Variants in MLLT3 observed in about 807,000 individuals in gnomAD.
The protein encoded by MLLT3 is protein AF-9.
Under a neutral mutation model 53.2 loss-of-function variants are expected in MLLT3, and 4 were observed. The observed-to-expected ratio is 0.08, with a 90% CI of 0.04 to 0.17. MLLT3 has a LOEUF of 0.17. Among genes scored for constraint, MLLT3 ranks in the 10% least tolerant of loss-of-function variants. The probability of loss-of-function intolerance (pLI) is 1.00; values close to 1 mark genes in which losing one functional copy is unlikely to be tolerated. For missense variants in MLLT3, 569 were observed against 684.0 expected (o/e 0.83, Z 1.87); for synonymous variants, 283 against 230.6 (o/e 1.23, Z -2.06).
rs147468714 is a variant in MLLT3, at chr9:20,454,315, A to G, written c.276+2389T>C. ...AGGGAGTGATACTTGCTGCCTCTTC[A>G]TCCTTTACTTGTTTTCTTCTTAAAT... On this transcript the variant is annotated intron_variant, in intron 3 of 10. Transcript: ENST00000380338. Among the ~76,000 whole-genome samples, 10 of 152,162 alleles carry G rather than the reference A, an allele frequency of 6.6e-5. No individual in the cohort carries two copies. The East Asian group carries it at 1.9e-3, about 29-fold the overall frequency.
In MLLT3 at chr9:20,555,370, G is replaced by A. The variant is rs140865097; in HGVS notation, c.193+65284C>T. On this transcript the variant is annotated intron_variant, in intron 2 of 10. Coordinates refer to ENST00000380338, the MANE Select transcript of MLLT3 (RefSeq NM_004529.4). The stretch of plus-strand genomic sequence containing the variant: ...AGCGTCTCACCATGTTGCCCAGGGT[G>A]GTCTTGAACTCCTGGGTTCAAACAG... Among the ~76,000 whole-genome samples, 213 of 152,150 alleles carry A rather than the reference G, an allele frequency of 1.4e-3. 1 individual carries two copies. Among genetic ancestry groups the A allele is most frequent in the Admixed American group, 0.014 (207 of 15,288 alleles).
At chr9:20,585,173 G>A (rs140997831) in intron 2 of MLLT3, among the ~76,000 whole-genome samples, 4 of 152,232 alleles carry the variant, frequency 2.6e-5, no homozygotes, top group African/African-American at 7.2e-5. Context: ...TTCTGTTTCC[G>A]GTGAGGACTC....
intron 3 of MLLT3, among the ~76,000 whole-genome samples, chr9:20,450,599 C>T (rs1050083969): frequency 6.6e-6 from 1 of 152,170 alleles, no homozygotes; most frequent in African/African-American, 2.4e-5. Flanking sequence ...CTCCCCACAC[C>T]TGAAATGTCC....
intron 2 of MLLT3, among the ~76,000 whole-genome samples, chr9:20,613,224 C>G (rs1356657694): frequency 6.6e-6 from 1 of 152,156 alleles, no homozygotes; most frequent in East Asian, 1.9e-4. Context: ...GCAATGGTTA[C>G]ACAACCTTAT....
At chr9:20,396,442 A>G (rs1423020697) in intron 5 of MLLT3, among the ~76,000 whole-genome samples, 1 of 152,146 alleles carries the variant, frequency 6.6e-6, no homozygotes, top group Non-Finnish European at 1.5e-5. Context: ...AAAGTTGTTA[A>G]TAAGTATTTT....
chr9:20,584,220 C>T (rs2131177761), intron 2 of MLLT3, among the ~76,000 whole-genome samples: 1 of 152,290 alleles, frequency 6.6e-6, no homozygotes, highest in Non-Finnish European at 1.5e-5. Context: ...ACAAGTTCCT[C>T]ATCTCCATCT....
intron 2 of MLLT3, among the ~76,000 whole-genome samples, chr9:20,459,266 A>C (rs887265230): frequency 6.6e-6 from 1 of 152,248 alleles, no homozygotes; most frequent in African/African-American, 2.4e-5. Flanking sequence ...CAAGAATGAG[A>C]CATCTCACAT....
chr9:20,453,746 C>T (rs945937446), intron 3 of MLLT3, among the ~76,000 whole-genome samples: 4 of 152,136 alleles, frequency 2.6e-5, no homozygotes, highest in Non-Finnish European at 5.9e-5. Context: ...TAACCATGCA[C>T]ATATATTTCT....
chr9:20,492,758 T>C (rs1563785104), intron 2 of MLLT3, among the ~76,000 whole-genome samples: 1 of 151,968 alleles, frequency 6.6e-6, no homozygotes, highest in Non-Finnish European at 1.5e-5. Flanking sequence ...ATCTCTAACT[T>C]AAATATCCAT....
At chr9:20,523,954 G>C (rs912213305) in intron 2 of MLLT3, among the ~76,000 whole-genome samples, 1 of 150,062 alleles carries the variant, frequency 6.7e-6, no homozygotes, top group Non-Finnish European at 1.5e-5. Context: ...CTAGGCAACA[G>C]AGCCAGAACC....
At chr9:20,505,396 T>A (rs1262110955) in intron 2 of MLLT3, among the ~76,000 whole-genome samples, 2 of 152,194 alleles carry the variant, frequency 1.3e-5, no homozygotes, top group East Asian at 3.8e-4. Context: ...AACTTTTTTT[T>A]CCTCCAACAA....
At chr9:20,565,542 C>T (rs1204424502) in intron 2 of MLLT3, among the ~76,000 whole-genome samples, 1 of 152,044 alleles carries the variant, frequency 6.6e-6, no homozygotes, top group African/African-American at 2.4e-5. Flanking sequence ...GGTAATTCAA[C>T]TTAATATTCC....
At chr9:20,555,479 A>G (rs1819034153) in intron 2 of MLLT3, among the ~76,000 whole-genome samples, 2 of 152,182 alleles carry the variant, frequency 1.3e-5, no homozygotes, top group Non-Finnish European at 2.9e-5. Flanking sequence ...TAAAGCTGAG[A>G]AAACATAAAA....
intron 2 of MLLT3, among the ~76,000 whole-genome samples, chr9:20,609,947 T>C (rs1025986459): frequency 1.2e-4 from 18 of 152,136 alleles, no homozygotes; most frequent in African/African-American, 3.6e-4. Context: ...CACATGTCTA[T>C]TGTCTAGCAT....
chr9:20,511,932 G>C (rs1400735963), intron 2 of MLLT3, among the ~76,000 whole-genome samples: 1 of 152,066 alleles, frequency 6.6e-6, no homozygotes, highest in African/African-American at 2.4e-5. Flanking sequence ...AGCAGCCTCA[G>C]AATTGCATTA....
chr9:20,403,907 T>A (rs1822517706), intron 5 of MLLT3, among the ~76,000 whole-genome samples: 1 of 152,000 alleles, frequency 6.6e-6, no homozygotes, highest in Non-Finnish European at 1.5e-5. Context: ...CAGCCTCAAC[T>A]TACTGGGCTC....
At chr9:20,546,831 G>T (rs1234678875) in intron 2 of MLLT3, among the ~76,000 whole-genome samples, 1 of 152,268 alleles carries the variant, frequency 6.6e-6, no homozygotes, top group Non-Finnish European at 1.5e-5. Context: ...TTGAACGAAG[G>T]TTGCCAGGTG....
chr9:20,371,143 C>T (rs1821588680), intron 5 of MLLT3, among the ~76,000 whole-genome samples: 1 of 152,140 alleles, frequency 6.6e-6, no homozygotes, highest in Non-Finnish European at 1.5e-5. Context: ...GAGGAAGCTG[C>T]AGACAAAAAG....
intron 4 of MLLT3, among the ~76,000 whole-genome samples, chr9:20,422,254 T>C (rs563998484): frequency 6.6e-6 from 1 of 152,292 alleles, no homozygotes; most frequent in African/African-American, 2.4e-5. Flanking sequence ...TGAAATACAA[T>C]GCTTTGGAAG....
Sources: gnomAD v4.1 joint callset for allele counts (sites outside exome capture counted in the v4.1 genomes callset) on GRCh38, gnomAD v4.1.1 for gene constraint, MANE v1.5 for transcripts, NCBI Gene and HGNC (gene_info 2026-07-23, HGNC 2026-07-21) for gene names.